CYFIP1: variants seen among roughly 807,000 people sequenced by gnomAD.
The protein encoded by CYFIP1 is cytoplasmic FMR1-interacting protein 1.
CYFIP1 carries 58 observed loss-of-function variants against 163.5 expected under a neutral mutation model. The ratio of observed to expected loss-of-function variants is 0.35; its 90% confidence interval spans 0.29 to 0.44. The LOEUF (loss-of-function observed/expected upper bound fraction) is 0.44, where lower values mean the gene tolerates loss of function less well. CYFIP1 is among the 20% of genes least tolerant of loss of function. The probability of loss-of-function intolerance (pLI) is 1.00; values close to 1 mark genes in which losing one functional copy is unlikely to be tolerated. For missense variants in CYFIP1, 1,338 were observed against 1,653.8 expected (o/e 0.81, Z 3.31); for synonymous variants, 663 against 660.7 (o/e 1.00, Z -0.05).
chr15:22,883,221 A>C (rs1183389789), intron 23 of CYFIP1, among the ~76,000 whole-genome samples: 4 of 152,218 alleles, frequency 2.6e-5, no homozygotes, highest in Non-Finnish European at 1.5e-5. Context: ...AAAGAAAAGA[A>C]AACCATTTGG....
intron 23 of CYFIP1, among the ~76,000 whole-genome samples, chr15:22,891,964 T>C (rs908482081): frequency 1.3e-5 from 2 of 152,302 alleles, no homozygotes; most frequent in African/African-American, 4.8e-5. Context: ...GGGCAGACAA[T>C]GTCCTGTGAT....
rs180794934 is a variant in CYFIP1, at chr15:22,867,422, G to A, written c.*2606C>T. On this transcript the variant is annotated 3_prime_UTR_variant, in exon 31 of 31. Transcript: ENST00000617928. ...AAGGGCAGAAATCACCCCAAGGAAC[G>A]ATTTCTCAGGTTGAGATGATCACCG... is the stretch of plus-strand genomic sequence containing the variant. 5 of 370,928 alleles carry A rather than the reference G, an allele frequency of 1.3e-5. No homozygotes were observed. In the Admixed American group the frequency reaches 1.4e-4, roughly 10 times the overall value. The allele number at this position is 370,928 out of a possible 1,614,324, so 23.0% of individuals were successfully genotyped here. A position where few individuals can be genotyped will look rare whatever the true frequency, so the allele number is the denominator to read the frequency against.
chr15:22,966,070 C>T (rs903217594), intron 1 of CYFIP1, among the ~76,000 whole-genome samples: 3 of 151,914 alleles, frequency 2.0e-5, no homozygotes, highest in East Asian at 3.9e-4. Flanking sequence ...GAGATTAGGT[C>T]GGGTGCAGTG....
chr15:22,928,021 G>A lies in CYFIP1; in HGVS notation c.1118C>T (p.Thr373Met), dbSNP rs948583277. Residue 373 changes from threonine to methionine, a missense_variant, in exon 12 of 31, where the codon ACG becomes ATG. Thr to Met is a moderately conservative substitution (Grantham distance 81). Transcript: ENST00000617928. ...LARYSNSEVV[T>M]GSGRQEAQKT... The stretch of plus-strand genomic sequence containing the variant: ...CTGGGCCTCCTGGCGGCCCGAGCCC[G>A]TGACCACCTGCACAAGGCGGGCACG... The A allele has an allele frequency of 6.4e-6, 10 of 1,559,980 alleles. No individual in the cohort carries two copies. The highest frequency in any genetic ancestry group is 2.4e-5 in the East Asian group (1 of 42,016).
chr15:22,930,933 C>T (rs2061516919), intron 11 of CYFIP1, among the ~76,000 whole-genome samples: 1 of 152,226 alleles, frequency 6.6e-6, no homozygotes, highest in Admixed American at 6.5e-5. Flanking sequence ...TGTCCTAGGC[C>T]TCCCACTCGC....
intron 9 of CYFIP1, among the ~76,000 whole-genome samples, chr15:22,934,558 C>T (rs1445564907): frequency 1.3e-4 from 12 of 89,264 alleles, no homozygotes; most frequent in African/African-American, 4.9e-4. Flanking sequence ...AGTGCAGTGG[C>T]GTGATCTTGG....
In CYFIP1 at chr15:22,928,429, AAAT is replaced by A. The variant is rs2061428574; in HGVS notation, c.1111-404_1111-402del. ...TAAATAAATAAATAAATAAATAAAT[AAAT>A]AAAAAGAAAATAAGAAATGCTGTGG... On this transcript the variant is annotated intron_variant, in intron 11 of 30. Transcript: ENST00000617928. Among the ~76,000 whole-genome samples the A allele has an allele frequency of 2.0e-5, 3 of 151,712 alleles. No homozygotes were observed. In the South Asian group the frequency reaches 6.3e-4, roughly 32 times the overall value.
chr15:22,938,660 T>C (rs1003889473), intron 8 of CYFIP1, among the ~76,000 whole-genome samples: 13 of 151,440 alleles, frequency 8.6e-5, no homozygotes, highest in Admixed American at 2.6e-4. Context: ...CACAGAGCTT[T>C]GGGAGGCTGA....
In CYFIP1 at chr15:22,895,135, C is replaced by A. The variant is rs190262975; in HGVS notation, c.2589-2158G>T. On this transcript the variant is annotated intron_variant, in intron 22 of 30. Coordinates refer to ENST00000617928, the MANE Select transcript of CYFIP1 (RefSeq NM_014608.6). ...GTTCAGGCCATTCTCCTGCCTCAGC[C>A]TCCCAAGTAGCTGGGACTACAGGCG... Among the ~76,000 whole-genome samples, 23 of 152,040 alleles carry A rather than the reference C, an allele frequency of 1.5e-4. No homozygotes were observed. In the East Asian group the frequency reaches 3.9e-3, roughly 26 times the overall value.
intron 1 of CYFIP1, among the ~76,000 whole-genome samples, chr15:22,952,511 T>G (rs1258304818): frequency 6.6e-6 from 1 of 151,492 alleles, no homozygotes; most frequent in Non-Finnish European, 1.5e-5. Flanking sequence ...AAAAATTAGC[T>G]GGGCATAGTG....
At chr15:22,910,452 A>C (rs2060746549) in intron 20 of CYFIP1, 68 bp downstream of exon 20, 1 of 1,343,806 alleles carries the variant, frequency 7.4e-7, no homozygotes, top group African/African-American at 1.4e-5. Flanking sequence ...GAGCCACCGC[A>C]CCCAGCCGAA....
chr15:22,896,962 T>G (rs574398493), intron 22 of CYFIP1, among the ~76,000 whole-genome samples: 1 of 152,176 alleles, frequency 6.6e-6, no homozygotes, highest in African/African-American at 2.4e-5. Flanking sequence ...ATCCCAGCAC[T>G]TTGGGAGGCC....
chr15:22,879,276 T>C (rs2059680603), intron 26 of CYFIP1, among the ~76,000 whole-genome samples: 1 of 152,132 alleles, frequency 6.6e-6, no homozygotes, highest in African/African-American at 2.4e-5. Flanking sequence ...CTACCTGAGA[T>C]TCCATTTCCC....
chr15:22,916,825 T>C (rs1225838786), intron 15 of CYFIP1, 195 bp from the exon 16 acceptor site: 2 of 1,558,538 alleles, frequency 1.3e-6, no homozygotes, highest in Non-Finnish European at 1.7e-6. Flanking sequence ...GAACAACTTG[T>C]AGCGGAGCAG....
chr15:22,946,937 G>T, intron 3 of CYFIP1, 66 bp downstream of exon 3: 1 of 1,367,396 alleles, frequency 7.3e-7, no homozygotes, highest in Non-Finnish European at 1.0e-6. Context: ...ATACCAAAAA[G>T]TATACATCTG....
rs1489755643 is a variant in CYFIP1, at chr15:22,925,906, T to C, written c.1359+76A>G. The C allele has an allele frequency of 1.5e-5, 24 of 1,581,168 alleles. No homozygotes were observed. The East Asian group carries it at 5.2e-4, about 34-fold the overall frequency. On this transcript the variant is annotated intron_variant, in intron 13 of 30. Coordinates refer to ENST00000617928, the MANE Select transcript of CYFIP1 (RefSeq NM_014608.6). ...ATGAGTAAACAGGCAGTTTTGTTCA[T>C]GTTTTTGCTTTTGACAGAGAAGATG... is the stretch of plus-strand genomic sequence containing the variant.
At chr15:22,880,117 G>A (rs1206859580) in intron 25 of CYFIP1, 74 bp from the exon 26 acceptor site, 1 of 1,588,414 alleles carries the variant, frequency 6.3e-7, no homozygotes, top group African/African-American at 1.3e-5. Context: ...TCCACAGCCA[G>A]GAGCACCTGC....
At chr15:22,883,785 C>T (rs991718842) in intron 23 of CYFIP1, among the ~76,000 whole-genome samples, 1 of 145,610 alleles carries the variant, frequency 6.9e-6, no homozygotes, top group African/African-American at 2.6e-5. Flanking sequence ...CCACTGCACT[C>T]CAGCCCGGGT....
Position 22,868,285 on chromosome 15 carries a change from A to G in CYFIP1, c.*1743T>C, listed in dbSNP as rs2059285196. ...GTATCTGTTTATATACTGTACCTAC[A>G]TCTGTGCTTTGTACATAAAAGAACC... is the stretch of plus-strand genomic sequence containing the variant. On this transcript the variant is annotated 3_prime_UTR_variant, in exon 31 of 31. Transcript: ENST00000617928. 1 of 152,222 alleles carries G rather than the reference A, an allele frequency of 6.6e-6. No individual in the cohort carries two copies. Among genetic ancestry groups the G allele is most frequent in the Non-Finnish European group, 1.5e-5 (1 of 68,042 alleles). 9.4% of individuals were successfully genotyped at this position (152,222 alleles called of 1,614,324 possible).
Sources: gnomAD v4.1 joint callset for allele counts (sites outside exome capture counted in the v4.1 genomes callset) on GRCh38, gnomAD v4.1.1 for gene constraint, MANE v1.5 for transcripts, NCBI Gene and HGNC (gene_info 2026-07-23, HGNC 2026-07-21) for gene names.